The following PRPF8 variants were observed in gnomAD, a reference collection of about 807,000 sequenced individuals.
The protein encoded by PRPF8 is pre-mRNA-processing-splicing factor 8.
PRPF8 carries 64 observed loss-of-function variants against 285.9 expected under a neutral mutation model. The observed-to-expected ratio is 0.22, with a 90% confidence interval of 0.18 to 0.28. The LOEUF (loss-of-function observed/expected upper bound fraction) is 0.28, where lower values mean the gene tolerates loss of function less well. Ranked by LOEUF, PRPF8 falls within the 10% of genes least tolerant of loss-of-function variation. PRPF8 has a pLI of 1.00. For missense variants in PRPF8, 1,426 were observed against 3,026.7 expected (o/e 0.47, Z 12.41); for synonymous variants, 1,325 against 1,118.2 (o/e 1.18, Z -3.69).
intron 24 of PRPF8, among the ~76,000 whole-genome samples, chr17:1,663,017 C>T (rs1218023019): frequency 2.6e-5 from 4 of 151,984 alleles, no homozygotes; most frequent in African/African-American, 4.8e-5. Context: ...TATTATAGCA[C>T]TTATAATACA....
chr17:1,673,165 C>T lies in PRPF8; in HGVS notation c.3690G>A (p.Leu1230=). ...GCTGCATTGACTCATCGTCCACACG[C>T]AGGAAACACTGAGCTGTGCGCTCCT... ...VTKERTAQCF[L]RVDDESMQRF... Residue 1230 remains leucine (L), a synonymous_variant, in exon 24 of 43, where the codon CTG becomes CTA. Transcript: ENST00000304992. The surrounding 1 kb of genome is among the most constrained non-coding windows in gnomAD (Gnocchi z 5.5). 1 of 1,614,224 alleles carries T rather than the reference C, an allele frequency of 6.2e-7. No individual in the cohort carries two copies. Among genetic ancestry groups the T allele is most frequent in the Non-Finnish European group, 8.5e-7 (1 of 1,180,048 alleles).
chr17:1,675,345 G>A lies in PRPF8; in HGVS notation c.2873-6C>T, dbSNP rs761572454. The A allele has an allele frequency of 1.2e-6, 2 of 1,614,060 alleles. No homozygotes were observed. Among genetic ancestry groups the A allele is most frequent in the African/African-American group, 1.3e-5 (1 of 75,022 alleles). On this transcript the variant is annotated splice_region_variant and splice_polypyrimidine_tract_variant and intron_variant, in intron 19 of 42. Transcript: ENST00000304992. The surrounding 1 kb of genome is among the most constrained non-coding windows in gnomAD (Gnocchi z 6.0). ...GTCCTGCAGGTTATTGATGCCTGAG[G>A]AGTAGCAAGGCAGGTCTCCAGCAGG...
Position 1,653,481 on chromosome 17 carries a change from G to C in PRPF8, c.6369+61C>G, listed in dbSNP as rs1485214084. 3 of 1,604,958 alleles carry C rather than the reference G, an allele frequency of 1.9e-6. No homozygotes were observed. Among genetic ancestry groups the C allele is most frequent in the South Asian group, 1.1e-5 (1 of 90,830 alleles). On this transcript the variant is annotated intron_variant, in intron 39 of 42. Transcript: ENST00000304992. The surrounding 1 kb of genome is among the most constrained non-coding windows in gnomAD (Gnocchi z 4.9). ...TCAAGTTCCAGACAATCTCAGGTCTGAGTTTTAGGCACAAAATGAGTTGGG... is the reference window on the plus strand; with the variant it reads ...TCAAGTTCCAGACAATCTCAGGTCTCAGTTTTAGGCACAAAATGAGTTGGG...
chr17:1,681,183 A>G (rs1912902549), intron 6 of PRPF8, 129 bp from the exon 7 acceptor site: 2 of 1,035,330 alleles, frequency 1.9e-6, no homozygotes, highest in African/African-American at 3.2e-5. Context: ...GGCTCAAACA[A>G]TCCTCCCACA....
chr17:1,668,496 G>A (rs984712393), intron 24 of PRPF8, among the ~76,000 whole-genome samples: 6 of 151,204 alleles, frequency 4.0e-5, no homozygotes, highest in Non-Finnish European at 4.4e-5. Flanking sequence ...CTGAGTAGCT[G>A]GGACCACAGG....
Position 1,674,484 on chromosome 17 carries a change from C to T in PRPF8, c.3257G>A (p.Arg1086His), listed in dbSNP as rs758239155. 3.7e-6 allele frequency: 6 copies of T among 1,614,016 alleles called. No individual in the cohort carries two copies. The highest frequency in any genetic ancestry group is 1.7e-5 in the Admixed American group (1 of 59,994). The change falls in exon 21 of 43, where the codon CGT (arginine) becomes CAT (histidine). Residue 1086 changes from arginine to histidine, a missense_variant. Physicochemically the swap from Arg to His is conservative, Grantham distance 29 (BLOSUM62 0). This residue lies in a region of PRPF8 where 148 missense variants were observed against 196.2 expected (regional missense o/e 0.75). Transcript: ENST00000304992. ...DIATEAAHPI[R>H]LFCRYIDRIH... ...GCGATCAATGTATCTGCAGAAGAGA[C>T]GGATGGGGTGGGCAGCCTCAGTGGC...
At position 1,675,578 on chromosome 17, in the gene PRPF8, T is replaced by C; in HGVS notation, c.2872+42A>G. On this transcript the variant is annotated intron_variant, in intron 19 of 42. Transcript: ENST00000304992. This position sits in a 1 kb window ranked among gnomAD's most constrained non-coding sequence, Gnocchi z 6.0. ...TGAGATTTTTGACGTAGAACTAAAT[T>C]CCTGCCCCGTTCCTCACAGGGCGAT... is the stretch of plus-strand genomic sequence containing the variant. The C allele has an allele frequency of 6.2e-7, 1 of 1,611,710 alleles. No homozygotes were observed. The highest frequency in any genetic ancestry group is 1.1e-5 in the South Asian group (1 of 91,034).
intron 34 of PRPF8, among the ~76,000 whole-genome samples, chr17:1,657,053 A>C (rs1205985107): frequency 6.6e-6 from 1 of 152,310 alleles, no homozygotes; most frequent in African/African-American, 2.4e-5. Flanking sequence ...ATCAGAAAAA[A>C]GCTGCACAAA....
rs1912514016 is a variant in PRPF8, at chr17:1,674,611, A to G, written c.3130T>C (p.Tyr1044His). The G allele has an allele frequency of 6.2e-7, 1 of 1,614,028 alleles. No homozygotes were observed. The highest frequency in any genetic ancestry group is 1.3e-5 in the African/African-American group (1 of 74,916). The part of the protein sequence containing the change: ...LQFASFIVQY[Y>H]GLVMDLLVLG... ...ACAAGCAAATCCATCACCAGGCCAT[A>G]ATACTGCACGATGAATGAGGCAAAC... The change falls in exon 21 of 43, where the codon TAT becomes CAT. Residue 1044 changes from tyrosine (Y) to histidine (H), a missense_variant. By Grantham distance (83) the Tyr-to-His change is moderately conservative. Transcript: ENST00000304992.
chr17:1,672,195 A>G (rs1189231956), intron 24 of PRPF8, among the ~76,000 whole-genome samples: 1 of 152,238 alleles, frequency 6.6e-6, no homozygotes, highest in Non-Finnish European at 1.5e-5. Context: ...AATGCCGCAC[A>G]TTTAGAGATA....
Position 1,651,059 on chromosome 17 carries a change from C to T in PRPF8, c.6853+49G>A, listed in dbSNP as rs1341055626. On this transcript the variant is annotated intron_variant, in intron 42 of 42. Transcript: ENST00000304992. This position sits in a 1 kb window ranked among gnomAD's most constrained non-coding sequence, Gnocchi z 5.1. ...CCCCAAGTGCAAAGGGCGATGGCCT[C>T]ACCTTATCCCTACTGCTATCCCCAC... The T allele has an allele frequency of 1.4e-5, 22 of 1,613,656 alleles. No individual in the cohort carries two copies. Among genetic ancestry groups the T allele is most frequent in the Non-Finnish European group, 1.9e-5 (22 of 1,179,680 alleles).
chr17:1,675,435 T>A lies in PRPF8; in HGVS notation c.2873-96A>T. On this transcript the variant is annotated intron_variant, in intron 19 of 42. Transcript: ENST00000304992. This position sits in a 1 kb window ranked among gnomAD's most constrained non-coding sequence, Gnocchi z 6.0. ...CATTACCTTCCATAACCAATCCCAC[T>A]ATGATTCCACGTATTCATTTGGATT... 1 of 1,488,808 alleles carries A rather than the reference T, an allele frequency of 6.7e-7. No individual in the cohort carries two copies. The allele number at this position is 1,488,808 out of a possible 1,614,324, so 92.2% of individuals were successfully genotyped here.
chr17:1,684,681 C>G, intron 1 of PRPF8, 99 bp from the exon 2 acceptor site: 2 of 1,098,916 alleles, frequency 1.8e-6, no homozygotes, highest in African/African-American at 1.6e-5. Flanking sequence ...GCAGTCCCGC[C>G]ACACAGTGCA....
chr17:1,664,894 A>G (rs955646633), intron 24 of PRPF8, among the ~76,000 whole-genome samples: 14 of 152,284 alleles, frequency 9.2e-5, no homozygotes, highest in Non-Finnish European at 1.3e-4. Flanking sequence ...ACGATGGCTC[A>G]TATCTGTAAG....
In PRPF8 at chr17:1,660,692, A is replaced by T. The variant is rs763078357; in HGVS notation, c.4638+6T>A. 2 of 1,614,162 alleles carry T rather than the reference A, an allele frequency of 1.2e-6. No homozygotes were observed. The highest frequency in any genetic ancestry group is 1.7e-6 in the Non-Finnish European group (2 of 1,180,038). On this transcript the variant is annotated splice_donor_region_variant and intron_variant, in intron 29 of 42. Coordinates refer to ENST00000304992, the MANE Select transcript of PRPF8 (RefSeq NM_006445.4). The stretch of plus-strand genomic sequence containing the variant: ...GCTTCCCCTCTCCAGTGTCAATCAC[A>T]CTCACATTGGCTCGATTAATGGTCG...
chr17:1,660,087 G>A (rs1911597827), intron 30 of PRPF8, 86 bp from the exon 31 acceptor site: 2 of 1,441,136 alleles, frequency 1.4e-6, no homozygotes, highest in Non-Finnish European at 1.9e-6. Flanking sequence ...GAGGCAATAG[G>A]AGTCTCATCC....
At chr17:1,672,278 T>C (rs564127610) in intron 24 of PRPF8, among the ~76,000 whole-genome samples, 1 of 152,120 alleles carries the variant, frequency 6.6e-6, no homozygotes, top group Non-Finnish European at 1.5e-5. Context: ...GGTAACTTTT[T>C]TTTGTTTGTT....
chr17:1,652,204 T>G, intron 39 of PRPF8: 1 of 322,586 alleles, frequency 3.1e-6, no homozygotes, highest in South Asian at 2.7e-5. Flanking sequence ...CCACACAGGA[T>G]ATTAACAATC....
intron 2 of PRPF8, 116 bp from the exon 3 acceptor site, chr17:1,683,817 A>T (rs976720171): frequency 3.8e-5 from 46 of 1,217,332 alleles, no homozygotes; most frequent in Non-Finnish European, 9.4e-6. Flanking sequence ...ACCAGCAGGA[A>T]GAAGCACCCC....
Sources: gnomAD v4.1 joint callset for allele counts (sites outside exome capture counted in the v4.1 genomes callset) on GRCh38, gnomAD v4.1.1 for gene constraint, gnomAD v4.1.1 regional missense constraint, Gnocchi (gnomAD v3.1) non-coding constraint, MANE v1.5 for transcripts, NCBI Gene and HGNC (gene_info 2026-07-23, HGNC 2026-07-21) for gene names.